AGO2: variants seen among roughly 807,000 people sequenced by gnomAD.
AGO2 encodes protein argonaute-2.
A neutral mutation model predicts 102.3 loss-of-function variants in AGO2; 5 were observed. The ratio of observed to expected loss-of-function variants is 0.05; its 90% CI spans 0.03 to 0.10. AGO2 has a LOEUF of 0.10. Among genes scored for constraint, AGO2 ranks in the 10% least tolerant of loss-of-function variants. AGO2 has a pLI of 1.00. For synonymous variants in AGO2, 449 were observed against 473.1 expected (o/e 0.95, Z 0.66); for missense variants, 541 against 1,183.7 (o/e 0.46, Z 7.97).
chr8:140,612,341 C>T (rs532649197), intron 1 of AGO2, among the ~76,000 whole-genome samples: 3 of 151,686 alleles, frequency 2.0e-5, no homozygotes, highest in East Asian at 3.9e-4. Flanking sequence ...CTGGAAGGCC[C>T]GTGTAACTCT....
rs1443964952 is a variant in AGO2 at position 140,589,416 on chromosome 8, C to G, written c.23-4105G>C. Among the ~76,000 whole-genome samples the G allele has an allele frequency of 6.6e-6, 1 of 151,820 alleles. No homozygotes were observed. Among genetic ancestry groups the G allele is most frequent in the Non-Finnish European group, 1.5e-5 (1 of 67,894 alleles). On this transcript the variant is annotated intron_variant, in intron 1 of 18. Coordinates refer to ENST00000220592, the MANE Select transcript of AGO2 (RefSeq NM_012154.5). This position sits in a 1 kb window ranked among gnomAD's most constrained non-coding sequence, Gnocchi z 4.2. ...GCAGCTGCCACCTGAGCTTGGGTGG[C>G]AGCCTCGCTGTGAGGCTGGCACAGG...
At position 140,566,622 on chromosome 8, in the gene AGO2, G is replaced by C. The variant is rs560288616; in HGVS notation, c.337-3988C>G. Among the ~76,000 whole-genome samples, 11 of 149,760 alleles carry C rather than the reference G, an allele frequency of 7.3e-5. No homozygotes were observed. The South Asian group carries it at 1.1e-3, about 15-fold the overall frequency. On this transcript the variant is annotated intron_variant, in intron 3 of 18. Transcript: ENST00000220592. ...ACTTTCTTTTTTTTTTTTTTTTGGG[G>C]GGGGGGAAGGTGTCCCGCTCTCAGT...
intron 5 of AGO2, among the ~76,000 whole-genome samples, 200 bp downstream of exon 5, chr8:140,560,174 G>A (rs899924949): frequency 2.6e-5 from 4 of 152,222 alleles, no homozygotes; most frequent in Non-Finnish European, 5.9e-5. Flanking sequence ...CGACCATCTC[G>A]TGGCTTCACG....
upstream of AGO2, among the ~76,000 whole-genome samples, chr8:140,639,373 C>T (rs575177294): frequency 3.3e-5 from 5 of 151,046 alleles, no homozygotes; most frequent in South Asian, 4.3e-4. Flanking sequence ...CCCAGCTACT[C>T]GGGAGGCTGA....
intron 2 of AGO2, among the ~76,000 whole-genome samples, chr8:140,574,119 A>ACCCCCCC (rs1428380465): frequency 7.0e-6 from 1 of 143,524 alleles, no homozygotes. Flanking sequence ...GAGATCCACG[A>ACCCCCCC]CCCCCACCCT....
At chr8:140,621,677 A>ATTAGG (rs1175318173) in intron 1 of AGO2, among the ~76,000 whole-genome samples, 2 of 152,190 alleles carry the variant, frequency 1.3e-5, no homozygotes, top group Admixed American at 6.5e-5. Flanking sequence ...TCTAATATCT[A>ATTAGG]TTAGGTGATC....
In AGO2 at chr8:140,537,821, G is replaced by T. The variant is rs1024871487; in HGVS notation, c.2169+1499C>A. 2.6e-5 allele frequency among the ~76,000 whole-genome samples: 4 copies of T among 151,862 alleles called. No homozygotes were observed. The East Asian group carries it at 7.7e-4, about 29-fold the overall frequency. The stretch of plus-strand genomic sequence containing the variant: ...AATCATTCTACTTATTTATTTTTGG[G>T]TATTGTTTTTCTTTTTTGAGATAGT... On this transcript the variant is annotated intron_variant, in intron 16 of 18. Transcript: ENST00000220592.
At chr8:140,569,354 G>T (rs920755068) in intron 3 of AGO2, among the ~76,000 whole-genome samples, 2 of 152,212 alleles carry the variant, frequency 1.3e-5, no homozygotes, top group Non-Finnish European at 2.9e-5. Flanking sequence ...CTCCTAGACC[G>T]TGTCAACCCA....
intron 1 of AGO2, among the ~76,000 whole-genome samples, chr8:140,587,173 G>A (rs533445755): frequency 6.6e-6 from 1 of 152,240 alleles, no homozygotes; most frequent in East Asian, 1.9e-4. Context: ...TACCTCCTCT[G>A]CAACACCTGG....
chr8:140,610,076 A>G lies in AGO2; in HGVS notation c.23-24765T>C, dbSNP rs2074056929. The stretch of plus-strand genomic sequence containing the variant: ...AAAGAAAAGCCAGGTATGGTGGTGC[A>G]CACCCGTAATCCCAGCTACTTGAGA... On this transcript the variant is annotated intron_variant, in intron 1 of 18. Coordinates refer to ENST00000220592, the MANE Select transcript of AGO2 (RefSeq NM_012154.5). Among the ~76,000 whole-genome samples, 3 of 150,494 alleles carry G rather than the reference A, an allele frequency of 2.0e-5. No individual in the cohort carries two copies. In the South Asian group the frequency reaches 6.3e-4, roughly 32 times the overall value.
rs571949523 is a variant in AGO2, at chr8:140,589,330, G to A, written c.23-4019C>T. On this transcript the variant is annotated intron_variant, in intron 1 of 18. Coordinates refer to ENST00000220592, the MANE Select transcript of AGO2 (RefSeq NM_012154.5). This position sits in a 1 kb window ranked among gnomAD's most constrained non-coding sequence, Gnocchi z 4.2. Reference sequence around the variant, plus strand: ...AATAAATGAATAGCCCAGCTCTTCCGTGAAGCCGCTTTGGCTACCGGCGGG... The same window carrying A: ...AATAAATGAATAGCCCAGCTCTTCCATGAAGCCGCTTTGGCTACCGGCGGG... 2.5e-4 allele frequency among the ~76,000 whole-genome samples: 38 copies of A among 152,306 alleles called. No individual in the cohort carries two copies. Among genetic ancestry groups the A allele is most frequent in the African/African-American group, 9.1e-4 (38 of 41,552 alleles).
chr8:140,562,114 G>A (rs2073211754), intron 4 of AGO2, among the ~76,000 whole-genome samples: 1 of 152,186 alleles, frequency 6.6e-6, no homozygotes, highest in Non-Finnish European at 1.5e-5. Context: ...CACGAAACTG[G>A]GAACACAGCA....
At chr8:140,616,138 T>C (rs1029044118) in intron 1 of AGO2, among the ~76,000 whole-genome samples, 2 of 152,166 alleles carry the variant, frequency 1.3e-5, no homozygotes, top group Non-Finnish European at 2.9e-5. Flanking sequence ...CCACACCCCA[T>C]AGTCTGTGCC....
In AGO2 at chr8:140,549,405, T is replaced by G. The variant is rs112314461; in HGVS notation, c.1404-107A>C. 56 of 1,149,650 alleles carry G rather than the reference T, an allele frequency of 4.9e-5. 3 individuals are homozygous for G. The African/African-American group carries it at 7.8e-4, about 16-fold the overall frequency. 71.2% of individuals were successfully genotyped at this position (1,149,650 alleles called of 1,614,324 possible). A position where few individuals can be genotyped will look rare whatever the true frequency, so the allele number is the denominator to read the frequency against. On this transcript the variant is annotated intron_variant, in intron 11 of 18. Transcript: ENST00000220592. ...GTCATTTTTACAAAGCCCAAAGCAC[T>G]TTCATTGAGGTCAAAATTGTTCTTA...
chr8:140,629,255 C>A (rs2074312483), intron 1 of AGO2, among the ~76,000 whole-genome samples: 1 of 152,198 alleles, frequency 6.6e-6, no homozygotes, highest in Non-Finnish European at 1.5e-5. Flanking sequence ...TCGGCTCCGG[C>A]TGTCACTGCA....
chr8:140,545,866 G>A lies in AGO2; in HGVS notation c.1749-1563C>T, dbSNP rs536595782. 4.7e-4 allele frequency among the ~76,000 whole-genome samples: 72 copies of A among 152,326 alleles called. No individual in the cohort carries two copies. In the South Asian group the frequency reaches 0.011, roughly 23 times the overall value. On this transcript the variant is annotated intron_variant, in intron 13 of 18. Coordinates refer to ENST00000220592, the MANE Select transcript of AGO2 (RefSeq NM_012154.5). ...GGTGGCCACACTGTCGGGTGCCTCC[G>A]ACGGCCCCAGCTCACCCCAGCTCAC...
intron 4 of AGO2, among the ~76,000 whole-genome samples, chr8:140,561,464 C>A (rs1213523174): frequency 6.6e-6 from 1 of 152,242 alleles, no homozygotes; most frequent in African/African-American, 2.4e-5. Context: ...GTCATTTCTG[C>A]AACTCTATTA....
At position 140,528,723 on chromosome 8, in the gene AGO2, G is replaced by A. The variant is rs1034495798; in HGVS notation, c.*3321C>T. On this transcript the variant is annotated 3_prime_UTR_variant, in exon 19 of 19. Transcript: ENST00000220592. This position sits in a 1 kb window ranked among gnomAD's most constrained non-coding sequence, Gnocchi z 4.5. ...GAGAAAACCAAAACTTAAGGAAAAC[G>A]ATCCCTTTCTAAAAGTACAGCTATG... The A allele has an allele frequency of 5.3e-5, 8 of 152,120 alleles. No individual in the cohort carries two copies. Among genetic ancestry groups the A allele is most frequent in the African/African-American group, 1.4e-4 (6 of 41,406 alleles). The allele number at this position is 152,120 out of a possible 1,614,324, so 9.4% of individuals were successfully genotyped here.
intron 7 of AGO2, among the ~76,000 whole-genome samples, 178 bp downstream of exon 7, chr8:140,558,304 TTTA>T (rs982870158): frequency 3.9e-5 from 6 of 152,148 alleles, no homozygotes; most frequent in Non-Finnish European, 7.4e-5. Context: ...ATGATCTGAG[TTTA>T]TTTTCTTAGG....
Sources: allele counts gnomAD v4.1 joint callset (sites outside exome capture counted in the v4.1 genomes callset), GRCh38; gene constraint gnomAD v4.1.1; non-coding constraint Gnocchi (gnomAD v3.1); transcripts MANE v1.5; gene names NCBI Gene and HGNC (gene_info 2026-07-23, HGNC 2026-07-21).